Variants in INPP5F observed in about 807,000 individuals in gnomAD.
INPP5F encodes the protein inositol polyphosphate-5-phosphatase F, also known as phosphatidylinositide 4-phosphatase SAC2.
A neutral mutation model predicts 137.2 loss-of-function variants in INPP5F; 97 were observed. The ratio of observed to expected loss-of-function variants is 0.71; its 90% confidence interval spans 0.60 to 0.84. INPP5F has a LOEUF of 0.84. Among genes scored for constraint, INPP5F ranks in the 40% least tolerant of loss-of-function variants. The pLI is 0.00. For synonymous variants in INPP5F, 504 were observed against 476.9 expected, an observed-to-expected ratio of 1.06 and a Z score of -0.74; for missense variants, 1,271 against 1,371.9, an observed-to-expected ratio of 0.93 and a Z score of 1.16.
intron 2 of INPP5F, among the ~76,000 whole-genome samples, chr10:119,771,845 G>GAGAT (rs1445944351): frequency 3.0e-5 from 1 of 32,792 alleles, no homozygotes; most frequent in East Asian, 9.0e-4. Context: ...AAAGTATGGA[G>GAGAT]ATATATATAT....
chr10:119,789,052 C>T lies in INPP5F; in HGVS notation c.316-2465C>T, dbSNP rs1328942024. 2.6e-5 allele frequency among the ~76,000 whole-genome samples: 4 copies of T among 151,998 alleles called. No homozygotes were observed. In the South Asian group the frequency reaches 6.2e-4, roughly 24 times the overall value. ...ACCAGCCTGACCAACATGGAGAAAC[C>T]GTGTCTCTACTAAAAACACAATATT... On this transcript the variant is annotated intron_variant, in intron 3 of 19. Transcript: ENST00000650623.
intron 15 of INPP5F, chr10:119,816,537 G>A (rs908993286): frequency 6.6e-6 from 1 of 152,228 alleles, no homozygotes; most frequent in African/African-American, 2.4e-5. Flanking sequence ...CTTACTGCAA[G>A]GCTTAAAGAT....
At chr10:119,726,420 G>T in intron 1 of INPP5F, 61 bp downstream of exon 1, 1 of 1,022,746 alleles carries the variant, frequency 9.8e-7, no homozygotes, top group South Asian at 4.2e-5. Flanking sequence ...GAGGGGGCGC[G>T]GCCGGACCCC....
chr10:119,731,563 C>T (rs1381029973), intron 1 of INPP5F, among the ~76,000 whole-genome samples: 1 of 152,044 alleles, frequency 6.6e-6, no homozygotes, highest in Non-Finnish European at 1.5e-5. Context: ...ACTCGGGAGG[C>T]TAAGCCACAA....
chr10:119,732,202 ATTT>A (rs1267627095), intron 1 of INPP5F, among the ~76,000 whole-genome samples: 1 of 151,376 alleles, frequency 6.6e-6, no homozygotes, highest in Non-Finnish European at 1.5e-5. Context: ...TGCCTGGCTA[ATTT>A]TTTGTATTTT....
chr10:119,796,235 A>G (rs1850377579), intron 6 of INPP5F, among the ~76,000 whole-genome samples: 1 of 152,112 alleles, frequency 6.6e-6, no homozygotes, highest in Non-Finnish European at 1.5e-5. Flanking sequence ...AATAAAGCCG[A>G]CCTATGTGTT....
At chr10:119,772,750 AT>A (rs1372038228) in intron 2 of INPP5F, among the ~76,000 whole-genome samples, 3 of 148,312 alleles carry the variant, frequency 2.0e-5, no homozygotes, top group Non-Finnish European at 1.5e-5. Context: ...CATTGTTTTA[AT>A]TTTTTTTTTT....
chr10:119,730,210 A>G (rs1330153306), intron 1 of INPP5F, among the ~76,000 whole-genome samples: 4 of 152,024 alleles, frequency 2.6e-5, no homozygotes, highest in Admixed American at 2.0e-4. Context: ...CCCGGGTTCA[A>G]GCGATTCTCC....
chr10:119,800,258 T>A (rs1382810914), intron 9 of INPP5F, among the ~76,000 whole-genome samples: 3 of 151,652 alleles, frequency 2.0e-5, no homozygotes, highest in African/African-American at 7.3e-5. Flanking sequence ...ATATCTAGAG[T>A]ATATTTAAAA....
At chr10:119,806,736 G>A (rs920869144) in intron 12 of INPP5F, among the ~76,000 whole-genome samples, 1 of 151,814 alleles carries the variant, frequency 6.6e-6, no homozygotes, top group African/African-American at 2.4e-5. Context: ...GGCATTGTGT[G>A]GTCATTTACC....
chr10:119,827,144 T>G lies in INPP5F; in HGVS notation c.2763T>G (p.Ile921Met). 1 of 1,614,152 alleles carries G rather than the reference T, an allele frequency of 6.2e-7. No individual in the cohort carries two copies. Among genetic ancestry groups the G allele is most frequent in the African/African-American group, 1.3e-5 (1 of 75,064 alleles). Residue 921 changes from isoleucine (I) to methionine (M), a missense_variant, in exon 20 of 20, where the codon ATT (isoleucine) becomes ATG (methionine). Ile to Met is a conservative substitution (Grantham distance 10). Coordinates refer to ENST00000650623, the MANE Select transcript of INPP5F (RefSeq NM_014937.4). ...GTAGCGTTCATGCTCCTTCAGAGAT[T>G]ACTGTTGCTCATGGGAGTGGGCTTG... is the stretch of plus-strand genomic sequence containing the variant. ...TDSSVHAPSE[I>M]TVAHGSGLGK... is the part of the protein sequence containing the mutation.
In INPP5F at chr10:119,787,561, GAGTGCGACT is replaced by G. The variant is rs1849963776; in HGVS notation, c.316-3955_316-3947del. On this transcript the variant is annotated intron_variant, in intron 3 of 19. Coordinates refer to ENST00000650623, the MANE Select transcript of INPP5F (RefSeq NM_014937.4). This position sits in a 1 kb window ranked among gnomAD's most constrained non-coding sequence, Gnocchi z 4.1. The stretch of plus-strand genomic sequence containing the variant: ...CCATTGCACTCTAGCTTGGGTGACA[GAGTGCGACT>G]CTGTCTCAAAGAAGGAAAGAAGGAA... Among the ~76,000 whole-genome samples, 1 of 151,558 alleles carries G rather than the reference GAGTGCGACT, an allele frequency of 6.6e-6. No homozygotes were observed. The highest frequency in any genetic ancestry group is 1.5e-5 in the Non-Finnish European group (1 of 67,958).
rs904007202 is a variant in INPP5F, at chr10:119,726,122, G to A, written c.-141G>A. On this transcript the variant is annotated 5_prime_UTR_variant, in exon 1 of 20. Transcript: ENST00000650623. ...TCTCCTCCTACCGGTCGGGTGCCCCGGGGCGTTCCCTCTGCCGCTGCTTCT... is the reference window on the plus strand; with the variant it reads ...TCTCCTCCTACCGGTCGGGTGCCCCAGGGCGTTCCCTCTGCCGCTGCTTCT... 1 of 430,412 alleles carries A rather than the reference G, an allele frequency of 2.3e-6. No homozygotes were observed. The allele number at this position is 430,412 out of a possible 1,614,324, so 26.7% of individuals were successfully genotyped here. A position where few individuals can be genotyped will look rare whatever the true frequency, so the allele number is the denominator to read the frequency against.
rs1848594920 is a variant in INPP5F, at chr10:119,748,221, G to C, written c.98-2855G>C. On this transcript the variant is annotated intron_variant, in intron 1 of 19. Transcript: ENST00000650623. The surrounding 1 kb of genome is among the most constrained non-coding windows in gnomAD (Gnocchi z 4.7). ...GGTACAGGCACTGGCTTTGTGCAAGGCTGTGGCTGGACCAGGTGTACCACA... is the reference window on the plus strand; with the variant it reads ...GGTACAGGCACTGGCTTTGTGCAAGCCTGTGGCTGGACCAGGTGTACCACA... Among the ~76,000 whole-genome samples, 1 of 152,220 alleles carries C rather than the reference G, an allele frequency of 6.6e-6. No individual in the cohort carries two copies. Among genetic ancestry groups the C allele is most frequent in the African/African-American group, 2.4e-5 (1 of 41,460 alleles).
At chr10:119,728,334 A>G (rs934268674) in intron 1 of INPP5F, among the ~76,000 whole-genome samples, 1 of 152,264 alleles carries the variant, frequency 6.6e-6, no homozygotes, top group South Asian at 2.1e-4. Context: ...TATCCTGTCC[A>G]GGACTGAAGA....
chr10:119,764,109 G>C (rs1184902696), intron 2 of INPP5F, among the ~76,000 whole-genome samples: 2 of 152,074 alleles, frequency 1.3e-5, no homozygotes, highest in African/African-American at 4.8e-5. Flanking sequence ...TCTTCTTTCT[G>C]AGTCCTCACC....
chr10:119,760,442 C>A (rs1359688080), intron 2 of INPP5F, among the ~76,000 whole-genome samples: 4 of 152,096 alleles, frequency 2.6e-5, no homozygotes, highest in African/African-American at 4.8e-5. Context: ...CCTAGTGAGA[C>A]CCTGTCTCTT....
At chr10:119,752,762 A>G (rs1848724365) in intron 2 of INPP5F, among the ~76,000 whole-genome samples, 4 of 151,904 alleles carry the variant, frequency 2.6e-5, no homozygotes. Flanking sequence ...GATGTTGCTA[A>G]GGGTTGTATT....
intron 2 of INPP5F, 32 bp from the exon 3 acceptor site, chr10:119,781,603 C>A: frequency 6.4e-7 from 1 of 1,573,486 alleles, no homozygotes; most frequent in Non-Finnish European, 8.7e-7. Context: ...ACTCTAAAAA[C>A]GCCAGACTTT....
Sources: gnomAD v4.1 joint callset for allele counts (sites outside exome capture counted in the v4.1 genomes callset) on GRCh38, gnomAD v4.1.1 for gene constraint, Gnocchi (gnomAD v3.1) non-coding constraint, MANE v1.5 for transcripts, NCBI Gene and HGNC (gene_info 2026-07-23, HGNC 2026-07-21) for gene names.